The following RBFOX1 variants were observed in gnomAD, a reference collection of about 807,000 sequenced individuals.
The protein encoded by RBFOX1 is RNA binding fox-1 homolog 1, also known as RNA binding protein fox-1 homolog 1.
In RBFOX1, 8 loss-of-function variants were observed where a neutral mutation model predicts 57.7. The observed-to-expected ratio is 0.14, with a 90% CI of 0.08 to 0.25. The LOEUF is 0.25. Ranked by LOEUF, RBFOX1 falls within the 10% of genes least tolerant of loss-of-function variation. RBFOX1 has a pLI of 1.00. For missense variants in RBFOX1, 611 were observed against 548.5 expected (o/e 1.11, Z -1.14); for synonymous variants, 326 against 222.4 (o/e 1.47, Z -4.15).
chr16:5,888,322 T>C (rs2057951173), intron 4 of RBFOX1, among the ~76,000 whole-genome samples: 1 of 152,210 alleles, frequency 6.6e-6, no homozygotes, highest in Non-Finnish European at 1.5e-5. Context: ...GCATCTTCCT[T>C]TATTCTACAA....
intron 3 of RBFOX1, among the ~76,000 whole-genome samples, chr16:5,867,006 C>T (rs547159541): frequency 1.3e-5 from 2 of 152,184 alleles, no homozygotes; most frequent in Non-Finnish European, 2.9e-5. Context: ...ATTATCAGTA[C>T]ATGGACATTG....
chr16:6,547,531 A>T (rs190856497), intron 2 of RBFOX1, among the ~76,000 whole-genome samples: 9 of 152,236 alleles, frequency 5.9e-5, no homozygotes, highest in Admixed American at 5.2e-4. Context: ...TGTTGTTGTT[A>T]TTGAGATATT....
At chr16:5,844,926 T>C (rs139342418) in intron 3 of RBFOX1, among the ~76,000 whole-genome samples, 29 of 152,278 alleles carry the variant, frequency 1.9e-4, no homozygotes, top group African/African-American at 6.7e-4. Flanking sequence ...CAAGAGTTTA[T>C]TTGCAGAGAA....
At chr16:5,439,399 G>A (rs751775216) in intron 1 of RBFOX1, among the ~76,000 whole-genome samples, 7 of 152,152 alleles carry the variant, frequency 4.6e-5, no homozygotes, top group Non-Finnish European at 8.8e-5. Context: ...TTTGGTACCT[G>A]GGTAGAAAAC....
chr16:5,279,188 C>T (rs760337185), intron 1 of RBFOX1, among the ~76,000 whole-genome samples: 2 of 152,082 alleles, frequency 1.3e-5, no homozygotes, highest in African/African-American at 4.8e-5. Context: ...GTCATTTTCA[C>T]AATATTAGTT....
chr16:7,613,725 C>T (rs1202488002), intron 10 of RBFOX1, among the ~76,000 whole-genome samples: 1 of 152,120 alleles, frequency 6.6e-6, no homozygotes, highest in East Asian at 1.9e-4. Flanking sequence ...ATTTTTTCCT[C>T]CCACTTCCAC....
chr16:6,044,445 T>C (rs758069389), intron 1 of RBFOX1, among the ~76,000 whole-genome samples: 3 of 150,938 alleles, frequency 2.0e-5, no homozygotes, highest in Non-Finnish European at 2.9e-5. Context: ...ATTCGCAAGA[T>C]GTGACAGGCT....
intron 8 of RBFOX1, 157 bp from the exon 9 acceptor site, chr16:7,597,214 T>C: frequency 9.8e-6 from 5 of 510,680 alleles, no homozygotes; most frequent in African/African-American, 2.0e-5. Flanking sequence ...TAAAAATGTA[T>C]GATTTTGTTA....
intron 4 of RBFOX1, among the ~76,000 whole-genome samples, chr16:7,376,484 T>C (rs1399815234): frequency 6.6e-6 from 1 of 152,170 alleles, no homozygotes; most frequent in African/African-American, 2.4e-5. Flanking sequence ...GGGAGAAAGA[T>C]TAGAAGTTGG....
intron 4 of RBFOX1, among the ~76,000 whole-genome samples, chr16:7,146,693 A>C (rs1298887056): frequency 6.6e-6 from 1 of 152,000 alleles, no homozygotes; most frequent in Non-Finnish European, 1.5e-5. Flanking sequence ...TCATGCCTGC[A>C]ATCCTGGCAG....
At chr16:6,616,536 C>A (rs1183185812) in intron 2 of RBFOX1, among the ~76,000 whole-genome samples, 1 of 152,140 alleles carries the variant, frequency 6.6e-6, no homozygotes, top group Non-Finnish European at 1.5e-5. Context: ...ATTAGCCAGG[C>A]ATGGTGGCGG....
At chr16:7,030,222 C>T (rs1030026377) in intron 3 of RBFOX1, among the ~76,000 whole-genome samples, 1 of 152,126 alleles carries the variant, frequency 6.6e-6, no homozygotes, top group African/African-American at 2.4e-5. Context: ...ATAGAGAAGG[C>T]TGTTCTTCAG....
chr16:7,514,141 T>A (rs2075826821), intron 4 of RBFOX1, among the ~76,000 whole-genome samples: 1 of 152,200 alleles, frequency 6.6e-6, no homozygotes, highest in Admixed American at 6.5e-5. Context: ...CATTCAGTCT[T>A]GGTGGGCTGG....
intron 3 of RBFOX1, among the ~76,000 whole-genome samples, chr16:5,859,513 C>T (rs1327899773): frequency 6.6e-6 from 1 of 152,074 alleles, no homozygotes; most frequent in East Asian, 1.9e-4. Flanking sequence ...GCATTTTTGT[C>T]CTTACACATT....
At chr16:5,259,996 T>G (rs1291198685) in intron 1 of RBFOX1, among the ~76,000 whole-genome samples, 13 of 151,764 alleles carry the variant, frequency 8.6e-5, no homozygotes, top group African/African-American at 3.2e-4. Context: ...AGGCCGAGAG[T>G]TTGAGACCAG....
At chr16:7,070,479 T>C (rs1274553146) in intron 4 of RBFOX1, among the ~76,000 whole-genome samples, 1 of 152,172 alleles carries the variant, frequency 6.6e-6, no homozygotes, top group East Asian at 1.9e-4. Context: ...TTTTCAGGGG[T>C]TGTATATTCT....
At chr16:7,058,425 A>T (rs74008585) in intron 4 of RBFOX1, among the ~76,000 whole-genome samples, 1 of 152,176 alleles carries the variant, frequency 6.6e-6, no homozygotes, top group Admixed American at 6.5e-5. Context: ...ACTATTAAGA[A>T]TCAGGGGCCT....
At chr16:6,396,106 C>T (rs1462986015) in intron 2 of RBFOX1, among the ~76,000 whole-genome samples, 1 of 144,398 alleles carries the variant, frequency 6.9e-6, no homozygotes, top group African/African-American at 2.6e-5. Context: ...AACACCTTTA[C>T]TCTTATGGCA....
intron 3 of RBFOX1, among the ~76,000 whole-genome samples, chr16:6,859,165 G>GTATATATATATGTATATATACT (rs749806270): frequency 1.9e-5 from 1 of 54,042 alleles, no homozygotes; most frequent in Non-Finnish European, 3.2e-5. Flanking sequence ...ATATATATAC[G>GTATATATATATGTATATATACT]TATATATATG....
Sources: gnomAD v4.1 joint callset for allele counts (sites outside exome capture counted in the v4.1 genomes callset) on GRCh38, gnomAD v4.1.1 for gene constraint, MANE v1.5 for transcripts, NCBI Gene and HGNC (gene_info 2026-07-23, HGNC 2026-07-21) for gene names.